The following ANK3 variants were observed in gnomAD, a reference collection of about 807,000 sequenced individuals.
ANK3 encodes the protein ankyrin-3.
ANK3 carries 57 observed loss-of-function variants against 370.9 expected under a neutral mutation model. The observed-to-expected ratio is 0.15, with a 90% CI of 0.12 to 0.19. The LOEUF (loss-of-function observed/expected upper bound fraction) is 0.19, where lower values mean the gene tolerates loss of function less well. ANK3 is among the 10% of genes least tolerant of loss of function. The probability of loss-of-function intolerance (pLI) is 1.00; values close to 1 mark genes in which losing one functional copy is unlikely to be tolerated. For synonymous variants in ANK3, 1,929 were observed against 1,946.3 expected, an observed-to-expected ratio of 0.99 and a Z score of 0.23; for missense variants, 4,439 against 5,302.1, an observed-to-expected ratio of 0.84 and a Z score of 5.06.
chr10:60,390,709 T>C (rs920221108), upstream of ANK3, among the ~76,000 whole-genome samples: 1 of 142,422 alleles, frequency 7.0e-6, no homozygotes, highest in Non-Finnish European at 1.5e-5. Flanking sequence ...CTAAAACATA[T>C]GAGACCTAGT....
chr10:60,212,365 C>T (rs940396061), intron 9 of ANK3, among the ~76,000 whole-genome samples: 2 of 151,992 alleles, frequency 1.3e-5, no homozygotes, highest in Non-Finnish European at 2.9e-5. Flanking sequence ...GGGGGACCAA[C>T]AGGAAGCTAC....
Position 60,033,536 on chromosome 10 carries a change from A to AAAAAAAC in ANK3, c.*20-3711_*20-3710insGTTTTTT, listed in dbSNP as rs1554812951. On this transcript the variant is annotated intron_variant, in intron 43 of 43. Transcript: ENST00000280772. ...TCTCAAAAAAAAAAAAAAAAAAAAA[A>AAAAAAAC]AAACTTGGAAACAGCAATTCATTGG... 2.6e-3 allele frequency among the ~76,000 whole-genome samples: 251 copies of AAAAAAAC among 98,266 alleles called. 1 individual carries two copies. Among genetic ancestry groups the AAAAAAAC allele is most frequent in the Non-Finnish European group, 4.1e-3 (204 of 49,674 alleles). The allele number at this position is 98,266 out of a possible 152,430, so 64.5% of individuals were successfully genotyped here.
chr10:60,651,990 G>A (rs1171599631), intron 1 of ANK3, among the ~76,000 whole-genome samples: 1 of 152,104 alleles, frequency 6.6e-6, no homozygotes, highest in Non-Finnish European at 1.5e-5. Flanking sequence ...CTTACTGATA[G>A]TTGTTTAATT....
intron 1 of ANK3, among the ~76,000 whole-genome samples, chr10:60,655,572 A>G (rs2078851978): frequency 6.6e-6 from 1 of 152,132 alleles, no homozygotes; most frequent in South Asian, 2.1e-4. Context: ...AAAACATCAA[A>G]AATTTTTTTA....
chr10:60,492,662 A>G (rs111306138), intron 2 of ANK3, among the ~76,000 whole-genome samples: 16,950 of 134,346 alleles, frequency 0.13, 1,272 homozygotes, highest in African/African-American at 0.2. Flanking sequence ...AGCCGAGATC[A>G]TGCCACTGCG....
intron 27 of ANK3, chr10:60,108,374 A>G (rs1320953684): frequency 4.1e-6 from 1 of 244,334 alleles, no homozygotes; most frequent in Non-Finnish European, 8.3e-6. Context: ...CCTGATTTGT[A>G]CCCAAGTGCC....
intron 7 of ANK3, among the ~76,000 whole-genome samples, chr10:60,239,424 A>C (rs1291274082): frequency 1.3e-5 from 2 of 152,228 alleles, no homozygotes; most frequent in African/African-American, 4.8e-5. Context: ...CAGAGAACAA[A>C]GATAATAGGT....
At position 60,165,735 on chromosome 10, in the gene ANK3, A is replaced by T. The variant is rs143145177; in HGVS notation, c.2614+856T>A. Among the ~76,000 whole-genome samples, 863 of 152,336 alleles carry T rather than the reference A, an allele frequency of 5.7e-3. 5 individuals carry two copies. The highest frequency in any genetic ancestry group is 9.0e-3 in the Non-Finnish European group (611 of 68,040). ...GCAACACTAAGACTAACCAAAAGAA[A>T]GCTACTACATGACAGGTGGCAAATG... On this transcript the variant is annotated intron_variant, in intron 23 of 43. Transcript: ENST00000280772.
chr10:60,602,272 T>C (rs2078074606), intron 2 of ANK3, among the ~76,000 whole-genome samples: 1 of 152,120 alleles, frequency 6.6e-6, no homozygotes, highest in Non-Finnish European at 1.5e-5. Context: ...TCAGATGAAA[T>C]TTCACCACTT....
intron 2 of ANK3, among the ~76,000 whole-genome samples, chr10:60,427,030 A>C (rs1289830293): frequency 6.6e-6 from 1 of 152,118 alleles, no homozygotes; most frequent in Admixed American, 6.6e-5. Flanking sequence ...TGACAATTCT[A>C]TGCCACCAGG....
intron 2 of ANK3, among the ~76,000 whole-genome samples, chr10:60,550,002 G>A (rs946934551): frequency 4.6e-5 from 7 of 152,006 alleles, no homozygotes; most frequent in African/African-American, 7.2e-5. Context: ...AGTATTTACC[G>A]TGCTTCCATA....
At chr10:60,302,299 T>C (rs926854632) in intron 1 of ANK3, among the ~76,000 whole-genome samples, 1 of 152,128 alleles carries the variant, frequency 6.6e-6, no homozygotes, top group Non-Finnish European at 1.5e-5. Context: ...GTCACAATAA[T>C]GTAGATGGGG....
chr10:60,264,095 C>A (rs2097845936), intron 5 of ANK3, 75 bp from the exon 6 acceptor site: 1 of 1,268,800 alleles, frequency 7.9e-7, no homozygotes, highest in East Asian at 2.6e-5. Context: ...AATAAGAAGG[C>A]AACCAAGTGA....
At chr10:60,471,084 CA>C (rs1277496902) in intron 2 of ANK3, among the ~76,000 whole-genome samples, 1 of 152,094 alleles carries the variant, frequency 6.6e-6, no homozygotes, top group Non-Finnish European at 1.5e-5. Flanking sequence ...TGTGTTGTCT[CA>C]TTTGACATTT....
intron 2 of ANK3, among the ~76,000 whole-genome samples, chr10:60,563,183 T>C (rs1057081275): frequency 1.3e-5 from 2 of 152,184 alleles, no homozygotes; most frequent in Non-Finnish European, 2.9e-5. Context: ...GTCCAAATGT[T>C]CAGATTTATG....
intron 2 of ANK3, among the ~76,000 whole-genome samples, chr10:60,452,690 C>T (rs1163561233): frequency 6.6e-6 from 1 of 152,168 alleles, no homozygotes; most frequent in Non-Finnish European, 1.5e-5. Flanking sequence ...TGAGTTTTTA[C>T]ATTTTTAAAA....
chr10:60,503,813 G>A (rs754839094), intron 2 of ANK3, among the ~76,000 whole-genome samples: 7 of 152,146 alleles, frequency 4.6e-5, no homozygotes, highest in Admixed American at 4.6e-4. Context: ...AAGATGAGAT[G>A]TTTGTCCAAG....
At chr10:60,331,844 C>G (rs2051409262) in intron 1 of ANK3, among the ~76,000 whole-genome samples, 1 of 152,070 alleles carries the variant, frequency 6.6e-6, no homozygotes, top group Non-Finnish European at 1.5e-5. Context: ...AACTGAAGAC[C>G]TGACTTCATT....
rs1272997055 is a variant in ANK3, at chr10:60,198,363, C to A, written c.1666G>T (p.Ala556Ser). ...ACCTTTGTTGTTATAGATAAAGACG[C>A]TCCATGATCCAAAAGGAACGCGGCC... is the stretch of plus-strand genomic sequence containing the variant. Reference protein sequence around the residue: ...DVAAFLLDHGASLSITTKKGF... With the variant: ...DVAAFLLDHGSSLSITTKKGF... The change falls in exon 14 of 44, where the codon GCG becomes TCG. Residue 556 changes from alanine to serine, a missense_variant. Coordinates refer to ENST00000280772, the MANE Select transcript of ANK3 (RefSeq NM_020987.5). 6.2e-6 allele frequency: 10 copies of A among 1,614,208 alleles called. No homozygotes were observed. The highest frequency in any genetic ancestry group is 8.5e-6 in the Non-Finnish European group (10 of 1,180,036).
Sources: gnomAD v4.1 joint callset for allele counts (sites outside exome capture counted in the v4.1 genomes callset) on GRCh38, gnomAD v4.1.1 for gene constraint, MANE v1.5 for transcripts, NCBI Gene and HGNC (gene_info 2026-07-23, HGNC 2026-07-21) for gene names.